Variants in GYG2 observed in about 807,000 individuals in gnomAD.
The protein encoded by GYG2 is glycogenin 2.
A neutral mutation model predicts 29.4 loss-of-function variants in GYG2; 29 were observed. That is an observed-to-expected ratio of 0.99 (90% confidence interval 0.74 to 1.35). GYG2 has a LOEUF of 1.35. GYG2 is among the 40% of genes most tolerant of loss of function. The pLI is 0.00. For synonymous variants in GYG2, 167 were observed against 172.3 expected (o/e 0.97, Z 0.24); for missense variants, 370 against 385.7 (o/e 0.96, Z 0.34).
chrX:2,838,194 G>A lies in GYG2; in HGVS notation c.8-5019G>A, dbSNP rs746596947. On this transcript the variant is annotated intron_variant, in intron 2 of 10. Transcript: ENST00000398806. The stretch of plus-strand genomic sequence containing the variant: ...TATTTGGTCTGGGTATACAATTTTA[G>A]GTTGAGGACCATTGCACTCAGAGTT... Among the ~76,000 whole-genome samples, 5 of 111,566 alleles carry A rather than the reference G, an allele frequency of 4.5e-5. No individual in the cohort carries two copies. In the East Asian group the frequency reaches 1.4e-3, roughly 31 times the overall value.
intron 6 of GYG2, among the ~76,000 whole-genome samples, chrX:2,857,957 A>T (rs5939371): frequency 0.32 from 35,793 of 110,574 alleles, 4,221 homozygotes; most frequent in Admixed American, 0.42. Context: ...CTGAACACAG[A>T]TGGAGCTAGG....
chrX:2,879,418 C>T (rs779838945), intron 10 of GYG2, among the ~76,000 whole-genome samples: 18 of 110,163 alleles, frequency 1.6e-4, no homozygotes, highest in Admixed American at 7.8e-4. Flanking sequence ...CAGTCACCCA[C>T]GACCAAGCCC....
Position 2,859,979 on chromosome X carries a change from C to G in GYG2, c.751C>G (p.Leu251Val). The change falls in exon 7 of 11, where the codon CTC (leucine) becomes GTC (valine). Residue 251 changes from leucine (L) to valine (V), a missense_variant. Transcript: ENST00000398806. ...SSQHQAAFLH[L>V]WWTVYQNNVL... ...CCAGCACCAGGCGGCATTCCTTCAT[C>G]TCTGGTGGACGGTCTACCAGAACAA... is the stretch of plus-strand genomic sequence containing the variant. 1 of 1,205,792 alleles carries G rather than the reference C, an allele frequency of 8.3e-7. No individual in the cohort carries two copies. Among genetic ancestry groups the G allele is most frequent in the South Asian group, 1.8e-5 (1 of 56,139 alleles).
chrX:2,831,026 C>G (rs2087252310), intron 2 of GYG2, among the ~76,000 whole-genome samples: 1 of 112,388 alleles, frequency 8.9e-6, no homozygotes, highest in Non-Finnish European at 1.9e-5. Context: ...ACCGGTGAGC[C>G]CCATCTCCCT....
chrX:2,860,575 T>G (rs746497160), intron 7 of GYG2, among the ~76,000 whole-genome samples: 2 of 109,673 alleles, frequency 1.8e-5, no homozygotes, highest in Non-Finnish European at 3.8e-5. Context: ...GAAGACCTCT[T>G]GCAATTAGGA....
At chrX:2,874,004 G>T (rs751076144) in intron 8 of GYG2, among the ~76,000 whole-genome samples, 1 of 111,356 alleles carries the variant, frequency 9.0e-6, no homozygotes, top group Non-Finnish European at 1.9e-5. Flanking sequence ...GCTGAGATAG[G>T]AGAATCACTT....
In GYG2 at chrX:2,882,271, A is replaced by T. The variant is rs765672515; in HGVS notation, c.*1058A>T. The T allele has an allele frequency of 1.8e-5, 2 of 109,884 alleles. No individual in the cohort carries two copies. The highest frequency in any genetic ancestry group is 8.1e-4 in the South Asian group (2 of 2,459). The allele number at this position is 109,884 out of a possible 1,213,427, so 9.1% of individuals were successfully genotyped here. The stretch of plus-strand genomic sequence containing the variant: ...ATGGGCATGGTTGTAATAAAGGAGG[A>T]AAGTGCGACTTTTGAAATGTTTGGA... On this transcript the variant is annotated 3_prime_UTR_variant, in exon 11 of 11. Transcript: ENST00000398806.
At position 2,866,837 on chromosome X, in the gene GYG2, T is replaced by TA. The variant is rs1202207153; in HGVS notation, c.1038+5123dup. ...TTTTAAAAAGTAAATTTTTTTTTTT[T>TA]AAAAAAAAGTATGTTCAACAGCCAG... On this transcript the variant is annotated intron_variant, in intron 8 of 10. Coordinates refer to ENST00000398806, the MANE Select transcript of GYG2 (RefSeq NM_001079855.2). 5.0e-3 allele frequency among the ~76,000 whole-genome samples: 158 copies of TA among 31,909 alleles called. 3 individuals carry two copies. Among genetic ancestry groups the TA allele is most frequent in the African/African-American group, 9.6e-3 (151 of 15,650 alleles). 27.7% of individuals were successfully genotyped at this position (31,909 alleles called of 115,157 possible). A position where few individuals can be genotyped will look rare whatever the true frequency, so the allele number is the denominator to read the frequency against.
intron 8 of GYG2, among the ~76,000 whole-genome samples, chrX:2,864,839 T>C (rs1446964337): frequency 9.1e-6 from 1 of 109,580 alleles, no homozygotes; most frequent in East Asian, 2.9e-4. Flanking sequence ...AGCAGCTCAC[T>C]GCAACCTCCA....
chrX:2,877,209 A>G lies in GYG2; in HGVS notation c.1153A>G (p.Asn385Asp), dbSNP rs1167689751. 1.7e-6 allele frequency: 2 copies of G among 1,207,846 alleles called. No homozygotes were observed. Residue 385 changes from asparagine (N) to aspartate (D), a missense_variant, in exon 10 of 11, where the codon AAT (asparagine) becomes GAT (aspartate). Coordinates refer to ENST00000398806, the MANE Select transcript of GYG2 (RefSeq NM_001079855.2). The part of the protein sequence containing the change: ...TETETILQPA[N>D]KVESVSSEET... ...AATGGTTATGTTTTAGCAGCCAGCA[A>G]ATAAAGTCGAAAGTGTCTCATCCGA...
At chrX:2,877,949 A>G in intron 10 of GYG2, 6 of 751,289 alleles carry the variant, frequency 8.0e-6, no homozygotes, top group Non-Finnish European at 9.4e-6. Flanking sequence ...AGTGTGACCT[A>G]CTGTGTTGGC....
chrX:2,871,071 C>T (rs2088456941), intron 8 of GYG2, among the ~76,000 whole-genome samples: 1 of 110,109 alleles, frequency 9.1e-6, no homozygotes, highest in African/African-American at 3.3e-5. Flanking sequence ...TGCCCAGACC[C>T]TATCTGGGGC....
At position 2,844,498 on chromosome X, in the gene GYG2, GTGCGTATATATGTGTATACGCACACGCA is replaced by G. The variant is rs1300362409; in HGVS notation, c.149+1182_149+1209del. ...CATATATATGTGTATATGCACGCGTGTGCGTATATATGTGTATACGCACACGCATGCGTATATATGTGTATACGCACAC... is the reference window on the plus strand; with the variant it reads ...CATATATATGTGTATATGCACGCGTGTGCGTATATATGTGTATACGCACAC... On this transcript the variant is annotated intron_variant, in intron 3 of 10. Coordinates refer to ENST00000398806, the MANE Select transcript of GYG2 (RefSeq NM_001079855.2). Among the ~76,000 whole-genome samples the G allele has an allele frequency of 1.8e-3, 186 of 104,303 alleles. 8 individuals carry two copies. Among genetic ancestry groups the G allele is most frequent in the African/African-American group, 4.1e-3 (114 of 27,703 alleles). The allele number at this position is 104,303 out of a possible 115,157, so 90.6% of individuals were successfully genotyped here.
At chrX:2,877,124 G>C in intron 9 of GYG2, 76 bp from the exon 10 acceptor site, 2 of 1,163,214 alleles carry the variant, frequency 1.7e-6, no homozygotes, top group Non-Finnish European at 2.3e-6. Flanking sequence ...AGGATAAAGA[G>C]TTCTCCATCA....
chrX:2,850,547 C>T (rs1340475667), intron 3 of GYG2, among the ~76,000 whole-genome samples: 5 of 111,446 alleles, frequency 4.5e-5, no homozygotes, highest in Admixed American at 9.6e-5. Context: ...TGAGCCCAAG[C>T]TAAGCCGTCA....
chrX:2,867,161 G>C (rs947815415), intron 8 of GYG2, among the ~76,000 whole-genome samples: 5 of 111,722 alleles, frequency 4.5e-5, no homozygotes, highest in Admixed American at 9.5e-5. Context: ...ATGACCCCCA[G>C]CTGGGCTGAG....
At chrX:2,862,905 A>T (rs959858117) in intron 8 of GYG2, among the ~76,000 whole-genome samples, 2 of 107,752 alleles carry the variant, frequency 1.9e-5, no homozygotes, top group Admixed American at 9.9e-5. Context: ...AAAAAAAGTC[A>T]AGAAATTAGC....
intron 3 of GYG2, among the ~76,000 whole-genome samples, chrX:2,848,215 TAGAC>T (rs745532047): frequency 6.6e-4 from 74 of 111,454 alleles, no homozygotes; most frequent in Middle Eastern, 4.6e-3. Flanking sequence ...GAAGCAAAGA[TAGAC>T]AGACAAATAC....
chrX:2,835,101 G>T (rs1457159009), intron 2 of GYG2, among the ~76,000 whole-genome samples: 1 of 111,361 alleles, frequency 9.0e-6, no homozygotes, highest in Non-Finnish European at 1.9e-5. Flanking sequence ...GGGGGTTGCG[G>T]GGGGTGGTGC....
Sources: gnomAD v4.1 joint callset for allele counts (sites outside exome capture counted in the v4.1 genomes callset) on GRCh38, gnomAD v4.1.1 for gene constraint, MANE v1.5 for transcripts, NCBI Gene and HGNC (gene_info 2026-07-23, HGNC 2026-07-21) for gene names.